The following HHIPL1 variants were observed in gnomAD, a reference collection of about 807,000 sequenced individuals.
The protein encoded by HHIPL1 is HHIP like 1.
In HHIPL1, 43 loss-of-function variants were observed where a neutral mutation model predicts 61.8. The observed-to-expected ratio is 0.70, with a 90% CI of 0.55 to 0.90. The LOEUF is 0.90. Ranked by LOEUF, HHIPL1 falls within the 40% of genes least tolerant of loss-of-function variation. The pLI is 0.00. For synonymous variants in HHIPL1, 482 were observed against 515.8 expected (o/e 0.93, Z 0.89); for missense variants, 1,056 against 1,157.7 (o/e 0.91, Z 1.28).
chr14:99,663,318 C>T (rs1189580772), intron 6 of HHIPL1, among the ~76,000 whole-genome samples: 2 of 152,244 alleles, frequency 1.3e-5, no homozygotes, highest in East Asian at 1.9e-4. Flanking sequence ...AGAGCAGTCC[C>T]GAGGGCTGCT....
At position 99,679,295 on chromosome 14, in the gene HHIPL1, CTG is replaced by C. The variant is rs2056418270; in HGVS notation, c.*3671_*3672del. The C allele has an allele frequency of 6.6e-6, 1 of 152,394 alleles. No individual in the cohort carries two copies. Among genetic ancestry groups the C allele is most frequent in the South Asian group, 2.1e-4 (1 of 4,836 alleles). 9.4% of individuals were successfully genotyped at this position (152,394 alleles called of 1,614,324 possible). On this transcript the variant is annotated 3_prime_UTR_variant, in exon 9 of 9. Coordinates refer to ENST00000330710, the MANE Select transcript of HHIPL1 (RefSeq NM_001127258.3). ...GCTGAGGGAGCATTCACATGTGACTCTGTCCCCAGGGACTCCGATCTTGCCTT... is the reference window on the plus strand; with the variant it reads ...GCTGAGGGAGCATTCACATGTGACTCTCCCCAGGGACTCCGATCTTGCCTT...
chr14:99,635,980 G>T, the HHIPL1 span, among the ~76,000 whole-genome samples: 1 of 152,172 alleles, frequency 6.6e-6, no homozygotes, highest in Non-Finnish European at 1.5e-5. Flanking sequence ...GGAGTCAGGA[G>T]CCCTGGGTTC....
chr14:99,660,527 AG>A lies in HHIPL1; in HGVS notation c.1502+125del. On this transcript the variant is annotated intron_variant, in intron 5 of 8. Transcript: ENST00000330710. The surrounding 1 kb of genome is among the most constrained non-coding windows in gnomAD (Gnocchi z 4.9). ...TGCACATGTGCCTCGCTGCTCTGAC[AG>A]GGGCCCCTAGGTGTGGGCCGGACAC... 10 of 1,275,292 alleles carry A rather than the reference AG, an allele frequency of 7.8e-6. No homozygotes were observed. In the South Asian group the frequency reaches 1.3e-4, roughly 16 times the overall value. The allele number at this position is 1,275,292 out of a possible 1,614,324, so 79.0% of individuals were successfully genotyped here.
At chr14:99,656,809 AAG>A (rs2056039510) in intron 2 of HHIPL1, among the ~76,000 whole-genome samples, 189 bp from the exon 3 acceptor site, 1 of 2,636 alleles carries the variant, frequency 3.8e-4, no homozygotes, top group Non-Finnish European at 5.6e-3. Flanking sequence ...GAAAGAAAGA[AAG>A]AAAGAAAGAA....
the HHIPL1 span, among the ~76,000 whole-genome samples, chr14:99,634,096 C>G: frequency 2.6e-5 from 4 of 152,226 alleles, no homozygotes; most frequent in Non-Finnish European, 4.4e-5. Flanking sequence ...CGAGCACTCA[C>G]AGTTGGCACT....
chr14:99,674,695 C>T (rs911805489), intron 8 of HHIPL1, among the ~76,000 whole-genome samples: 1 of 152,176 alleles, frequency 6.6e-6, no homozygotes, highest in Non-Finnish European at 1.5e-5. Flanking sequence ...TAGAAGCCTT[C>T]CCAGACACTC....
chr14:99,663,021 G>A lies in HHIPL1; in HGVS notation c.1648G>A (p.Gly550Arg), dbSNP rs367834283. 2.0e-5 allele frequency: 32 copies of A among 1,601,278 alleles called. No homozygotes were observed. Among genetic ancestry groups the A allele is most frequent in the Middle Eastern group, 1.7e-4 (1 of 6,032 alleles). ...YIISFGEDEA[G>R]ELYFMSTGEP... ...CATCTCCTTCGGGGAGGACGAGGCC[G>A]GTGAGCACTCCTGAGACCTCTCCTT... Residue 550 changes from glycine to arginine, a missense_variant and splice_region_variant, in exon 6 of 9, where the codon GGG becomes AGG. By Grantham distance (125) the Gly-to-Arg change is moderately radical. Transcript: ENST00000330710.
the HHIPL1 span, among the ~76,000 whole-genome samples, chr14:99,606,679 T>G: frequency 1.3e-5 from 2 of 152,204 alleles, no homozygotes; most frequent in African/African-American, 4.8e-5. Context: ...ACAGGCTGTG[T>G]GGACCAAGGA....
chr14:99,648,435 G>A (rs371135189), intron 1 of HHIPL1, among the ~76,000 whole-genome samples: 10 of 152,118 alleles, frequency 6.6e-5, no homozygotes, highest in East Asian at 3.9e-4. Flanking sequence ...GAATGTGTGC[G>A]CTGGCTCCAA....
the HHIPL1 span, among the ~76,000 whole-genome samples, chr14:99,607,006 T>A: frequency 6.9e-6 from 1 of 144,236 alleles, no homozygotes; most frequent in East Asian, 2.1e-4. Context: ...TCCCAAAATG[T>A]CAACGTGACT....
Position 99,652,665 on chromosome 14 carries a change from C to G in HHIPL1, c.697C>G (p.Leu233Val), listed in dbSNP as rs2055956321. 1.9e-6 allele frequency: 3 copies of G among 1,613,758 alleles called. No homozygotes were observed. Among genetic ancestry groups the G allele is most frequent in the African/African-American group, 1.3e-5 (1 of 74,946 alleles). Residue 233 changes from leucine to valine, a missense_variant, in exon 2 of 9, where the codon CTG becomes GTG. By Grantham distance (32) the Leu-to-Val change is conservative. Coordinates refer to ENST00000330710, the MANE Select transcript of HHIPL1 (RefSeq NM_001127258.3). The part of the protein sequence containing the change: ...PDRSRLGKPF[L>V]NISRVVLTSP... ...CCGCTCGAGGCTGGGGAAGCCTTTCCTGAACATCAGCCGGGTGGTGCTCAC... is the reference window on the plus strand; with the variant it reads ...CCGCTCGAGGCTGGGGAAGCCTTTCGTGAACATCAGCCGGGTGGTGCTCAC...
At chr14:99,648,655 A>G (rs985058983) in intron 1 of HHIPL1, among the ~76,000 whole-genome samples, 12 of 152,210 alleles carry the variant, frequency 7.9e-5, no homozygotes, top group Non-Finnish European at 1.2e-4. Flanking sequence ...CGTGTCTGAG[A>G]TATGGACAGA....
rs1179090437 is a variant in HHIPL1 at position 99,675,118 on chromosome 14, C to T, written c.1841C>T (p.Pro614Leu). The part of the protein sequence containing the change: ...EKFIPKTRST[P>L]RPTARAPTRA... ...TTCATCCCGAAGACACGGAGCACCC[C>T]GCGGCCTACAGCGCGGGCGCCCACG... The change falls in exon 9 of 9, where the codon CCG becomes CTG. Residue 614 changes from proline to leucine, a missense_variant. By Grantham distance (98) the Pro-to-Leu change is moderately conservative (BLOSUM62 -3). Coordinates refer to ENST00000330710, the MANE Select transcript of HHIPL1 (RefSeq NM_001127258.3). This position sits in a 1 kb window ranked among gnomAD's most constrained non-coding sequence, Gnocchi z 5.4. 4 of 1,158,970 alleles carry T rather than the reference C, an allele frequency of 3.5e-6. No homozygotes were observed. Among genetic ancestry groups the T allele is most frequent in the Admixed American group, 5.0e-5 (1 of 19,862 alleles). The allele number at this position is 1,158,970 out of a possible 1,614,324, so 71.8% of individuals were successfully genotyped here.
At chr14:99,613,356 C>T in the HHIPL1 span, among the ~76,000 whole-genome samples, 3 of 151,464 alleles carry the variant, frequency 2.0e-5, no homozygotes, top group South Asian at 2.1e-4. Context: ...GACAGAGTCT[C>T]ACTCTGTCAC....
At chr14:99,670,825 A>G (rs1958320) in intron 7 of HHIPL1, among the ~76,000 whole-genome samples, 110,469 of 152,014 alleles carry the variant, frequency 0.73, 41,619 homozygotes, top group South Asian at 0.88. Context: ...CTGCTGAGTC[A>G]CTATAACCCA....
At chr14:99,652,160 C>G in intron 1 of HHIPL1, 64 bp from the exon 2 acceptor site, 1 of 1,484,048 alleles carries the variant, frequency 6.7e-7, no homozygotes. Context: ...GGGACCCGCC[C>G]AAGGTAACCT....
the HHIPL1 span, among the ~76,000 whole-genome samples, chr14:99,607,049 G>GT: frequency 2.2e-5 from 2 of 92,300 alleles, no homozygotes; most frequent in Admixed American, 1.2e-4. Flanking sequence ...TTTTTTTTTG[G>GT]CTAAGACAGG....
the HHIPL1 span, among the ~76,000 whole-genome samples, chr14:99,621,011 G>T: frequency 6.6e-6 from 1 of 152,228 alleles, no homozygotes; most frequent in Non-Finnish European, 1.5e-5. Context: ...AGAGAGCATG[G>T]CCATCTCACA....
the HHIPL1 span, among the ~76,000 whole-genome samples, chr14:99,615,665 GAA>G: frequency 1.4e-5 from 2 of 144,602 alleles, no homozygotes; most frequent in African/African-American, 5.1e-5. Context: ...GAGAAAGAAA[GAA>G]AAAGAAAGAA....
Sources: allele counts gnomAD v4.1 joint callset (sites outside exome capture counted in the v4.1 genomes callset), GRCh38; gene constraint gnomAD v4.1.1; non-coding constraint Gnocchi (gnomAD v3.1); transcripts MANE v1.5; gene names NCBI Gene and HGNC (gene_info 2026-07-23, HGNC 2026-07-21).